PDCD1LG2: variants seen among roughly 807,000 people sequenced by gnomAD.
The protein encoded by PDCD1LG2 is programmed cell death 1 ligand 2, also known as B7 dendritic cell molecule.
In PDCD1LG2, 32 loss-of-function variants were observed where a neutral mutation model predicts 28.2. The ratio of observed to expected loss-of-function variants is 1.13; its 90% CI spans 0.86 to 1.52. PDCD1LG2 has a LOEUF of 1.52. PDCD1LG2 is among the 40% of genes most tolerant of loss of function. The pLI, the probability that PDCD1LG2 is intolerant of heterozygous loss-of-function variation, is 0.00. For synonymous variants in PDCD1LG2, 116 were observed against 120.2 expected (o/e 0.97, Z 0.23); for missense variants, 385 against 323.8 (o/e 1.19, Z -1.45).
chr9:5,542,007 G>A (rs1202313348), intron 3 of PDCD1LG2, among the ~76,000 whole-genome samples: 14 of 151,966 alleles, frequency 9.2e-5, no homozygotes, highest in African/African-American at 4.8e-5. Flanking sequence ...GGAACAAAAC[G>A]GAGAACCTAG....
intron 3 of PDCD1LG2, among the ~76,000 whole-genome samples, chr9:5,543,745 G>A (rs1175119522): frequency 1.3e-5 from 2 of 152,038 alleles, no homozygotes; most frequent in African/African-American, 2.4e-5. Flanking sequence ...TAAGAAAATC[G>A]GAGTCAAGAA....
chr9:5,552,829 C>T (rs1267680823), intron 4 of PDCD1LG2, among the ~76,000 whole-genome samples: 1 of 152,144 alleles, frequency 6.6e-6, no homozygotes, highest in Non-Finnish European at 1.5e-5. Context: ...TTTCCCACTT[C>T]CCTACCTATC....
intron 2 of PDCD1LG2, among the ~76,000 whole-genome samples, chr9:5,526,336 G>A (rs762815463): frequency 6.6e-6 from 1 of 152,116 alleles, no homozygotes; most frequent in Non-Finnish European, 1.5e-5. Context: ...AACTTTGTCA[G>A]CTCCCCAGAA....
At chr9:5,539,859 C>A (rs866600529) in intron 3 of PDCD1LG2, among the ~76,000 whole-genome samples, 1 of 152,158 alleles carries the variant, frequency 6.6e-6, no homozygotes, top group Non-Finnish European at 1.5e-5. Context: ...AAACCAGAAA[C>A]AATGAATTTA....
chr9:5,523,492 G>A (rs1820315931), intron 2 of PDCD1LG2, among the ~76,000 whole-genome samples: 1 of 152,156 alleles, frequency 6.6e-6, no homozygotes, highest in Admixed American at 6.5e-5. Context: ...TCTTCACCCA[G>A]TCACATTCCT....
At chr9:5,551,529 T>G (rs183279956) in intron 4 of PDCD1LG2, among the ~76,000 whole-genome samples, 1 of 152,268 alleles carries the variant, frequency 6.6e-6, no homozygotes, top group East Asian at 1.9e-4. Context: ...GACAAAGAAT[T>G]TCAGGTGGAA....
chr9:5,525,199 A>G (rs1339330416), intron 2 of PDCD1LG2, among the ~76,000 whole-genome samples: 1 of 152,098 alleles, frequency 6.6e-6, no homozygotes, highest in Non-Finnish European at 1.5e-5. Flanking sequence ...ATAGAAAAAT[A>G]TTAGCCGGGC....
chr9:5,520,446 T>C (rs1038150602), intron 1 of PDCD1LG2, among the ~76,000 whole-genome samples: 1 of 152,204 alleles, frequency 6.6e-6, no homozygotes, highest in Admixed American at 6.5e-5. Context: ...TCCATTTTGT[T>C]TAATTTTTGT....
At chr9:5,549,993 G>A (rs1049406511) in intron 4 of PDCD1LG2, among the ~76,000 whole-genome samples, 4 of 152,178 alleles carry the variant, frequency 2.6e-5, no homozygotes, top group African/African-American at 7.2e-5. Context: ...AGAAGTCAGA[G>A]AATACAAGGG....
intron 1 of PDCD1LG2, among the ~76,000 whole-genome samples, chr9:5,519,972 T>C (rs1233229496): frequency 2.0e-5 from 3 of 152,222 alleles, no homozygotes; most frequent in African/African-American, 4.8e-5. Context: ...TATTCATGAA[T>C]TGGAAGACTA....
rs139770545 is a variant in PDCD1LG2, at chr9:5,513,290, G to A, written c.-15+2487G>A. Among the ~76,000 whole-genome samples the A allele has an allele frequency of 4.7e-4, 71 of 152,324 alleles. No homozygotes were observed. In the East Asian group the frequency reaches 0.012, roughly 26 times the overall value. ...ACTGCTTCTGAGTCAGCTATGCACT[G>A]CCCTTTAGAATAGCTTCAACCCCAA... On this transcript the variant is annotated intron_variant, in intron 1 of 6. Transcript: ENST00000397747.
At chr9:5,515,133 A>C (rs1453715400) in intron 1 of PDCD1LG2, among the ~76,000 whole-genome samples, 1 of 152,240 alleles carries the variant, frequency 6.6e-6, no homozygotes, top group Non-Finnish European at 1.5e-5. Context: ...ATTTCTGTTC[A>C]CTACCTGTGG....
rs1324115342 is a variant in PDCD1LG2, at chr9:5,571,224, T to C, written c.*1265T>C. On this transcript the variant is annotated 3_prime_UTR_variant, in exon 7 of 7. Transcript: ENST00000397747. Reference sequence around the variant, plus strand: ...TCTCATGTAAATCAGAGAATGCCTTTAAAGAATAAAACTCAATTGTTATTC... The same window carrying C: ...TCTCATGTAAATCAGAGAATGCCTTCAAAGAATAAAACTCAATTGTTATTC... 4.3e-6 allele frequency: 1 copy of C among 232,692 alleles called. No individual in the cohort carries two copies. The highest frequency in any genetic ancestry group is 2.2e-5 in the African/African-American group (1 of 45,340). 14.4% of individuals were successfully genotyped at this position (232,692 alleles called of 1,614,324 possible).
intron 2 of PDCD1LG2, among the ~76,000 whole-genome samples, chr9:5,525,850 C>G (rs1048870153): frequency 1.3e-5 from 2 of 151,888 alleles, no homozygotes; most frequent in South Asian, 2.1e-4. Context: ...AGACCGAGAC[C>G]AGCCTGGCCC....
intron 4 of PDCD1LG2, 114 bp from the exon 5 acceptor site, chr9:5,557,504 A>C: frequency 7.4e-6 from 9 of 1,216,556 alleles, no homozygotes; most frequent in Non-Finnish European, 1.1e-5. Flanking sequence ...CCTGGTGTGG[A>C]GTAAATGCTC....
rs766012159 is a variant in PDCD1LG2 at position 5,534,841 on chromosome 9, A to G, written c.152A>G (p.Asn51Ser). Residue 51 changes from asparagine (N) to serine (S), a missense_variant, in exon 3 of 7, where the codon AAC becomes AGC. Transcript: ENST00000397747. ...AACTTTGACACTGGAAGTCATGTGA[A>G]CCTTGGAGCAATAACAGCCAGTTTG... ...ECNFDTGSHV[N>S]LGAITASLQK... is the part of the protein sequence containing the mutation. 2.5e-6 allele frequency: 4 copies of G among 1,614,078 alleles called. No homozygotes were observed. Among genetic ancestry groups the G allele is most frequent in the Non-Finnish European group, 3.4e-6 (4 of 1,180,040 alleles).
At chr9:5,523,867 TTCTG>T (rs1236943912) in intron 2 of PDCD1LG2, among the ~76,000 whole-genome samples, 3 of 152,202 alleles carry the variant, frequency 2.0e-5, no homozygotes, top group Non-Finnish European at 4.4e-5. Context: ...ATCCTGGGTT[TTCTG>T]TCTTTGTTTT....
chr9:5,542,555 A>G (rs759415990), intron 3 of PDCD1LG2, among the ~76,000 whole-genome samples: 2 of 152,246 alleles, frequency 1.3e-5, no homozygotes, highest in South Asian at 4.1e-4. Flanking sequence ...TCACAAGGAG[A>G]TACACAAATG....
intron 2 of PDCD1LG2, among the ~76,000 whole-genome samples, chr9:5,532,788 C>T (rs1820507349): frequency 6.6e-6 from 1 of 152,126 alleles, no homozygotes; most frequent in Admixed American, 6.5e-5. Flanking sequence ...TACCACTTTC[C>T]CAAGAATTAA....
Sources: allele counts gnomAD v4.1 joint callset (sites outside exome capture counted in the v4.1 genomes callset), GRCh38; gene constraint gnomAD v4.1.1; transcripts MANE v1.5; gene names NCBI Gene and HGNC (gene_info 2026-07-23, HGNC 2026-07-21).